Variants in AGBL1 observed in about 807,000 individuals in gnomAD.
AGBL1 encodes the protein AGBL carboxypeptidase 1.
A neutral mutation model predicts 118.9 loss-of-function variants in AGBL1; 130 were observed. The observed-to-expected ratio is 1.09, with a 90% CI of 0.95 to 1.26. AGBL1 has a LOEUF of 1.26. Among genes scored for constraint, AGBL1 ranks in the 50% most tolerant of loss-of-function variants. AGBL1 has a pLI of 0.00. For synonymous variants in AGBL1, 555 were observed against 478.9 expected, an observed-to-expected ratio of 1.16 and a Z score of -2.08; for missense variants, 1,584 against 1,298.1, an observed-to-expected ratio of 1.22 and a Z score of -3.38.
intron 22 of AGBL1, among the ~76,000 whole-genome samples, chr15:86,698,187 C>G (rs2086294826): frequency 6.6e-6 from 1 of 151,906 alleles, no homozygotes; most frequent in Non-Finnish European, 1.5e-5. Context: ...AACTAATAGC[C>G]CAAGGCAAGG....
At chr15:86,827,149 TTAGA>T (rs1168689424) in intron 22 of AGBL1, among the ~76,000 whole-genome samples, 1 of 149,614 alleles carries the variant, frequency 6.7e-6, no homozygotes, top group African/African-American at 2.5e-5. Context: ...TTGAGGGCTG[TTAGA>T]TAGATGTTCT....
chr15:86,333,249 T>A (rs1223172636), intron 17 of AGBL1, among the ~76,000 whole-genome samples: 1 of 152,092 alleles, frequency 6.6e-6, no homozygotes, highest in African/African-American at 2.4e-5. Flanking sequence ...AGCCCAAAGT[T>A]GGTTTTTTGA....
rs150406330 is a variant in AGBL1, at chr15:86,789,997, A to G, written c.3158+115561A>G. On this transcript the variant is annotated intron_variant, in intron 22 of 22. Transcript: ENST00000614907. Reference sequence around the variant, plus strand: ...ATTTCCACTACTTTTGCTTTCTCTTATCTGATTTCTTAAAACTCAGCAGTA... The same window carrying G: ...ATTTCCACTACTTTTGCTTTCTCTTGTCTGATTTCTTAAAACTCAGCAGTA... 2.4e-3 allele frequency among the ~76,000 whole-genome samples: 361 copies of G among 152,196 alleles called. 2 individuals carry two copies. Among genetic ancestry groups the G allele is most frequent in the African/African-American group, 8.4e-3 (347 of 41,536 alleles).
intron 22 of AGBL1, among the ~76,000 whole-genome samples, chr15:86,895,417 T>G (rs12324820): frequency 1.4e-4 from 21 of 150,400 alleles, no homozygotes; most frequent in African/African-American, 4.9e-4. Context: ...TTTTAATTAT[T>G]TTTGCATTTG....
intron 21 of AGBL1, among the ~76,000 whole-genome samples, chr15:86,623,012 G>A (rs575287905): frequency 3.4e-4 from 51 of 152,106 alleles, no homozygotes; most frequent in Non-Finnish European, 6.5e-4. Context: ...GGGTTCGCAC[G>A]CCTATGAGAA....
At chr15:86,988,037 T>G (rs1488555637) in exon 24 of AGBL1, 2 of 1,613,820 alleles carry the variant, frequency 1.2e-6, no homozygotes, top group African/African-American at 1.3e-5. Context: ...GCTTACCACT[T>G]TTTTGCCATT....
intron 17 of AGBL1, among the ~76,000 whole-genome samples, chr15:86,379,716 CAG>C (rs1357534267): frequency 6.6e-6 from 1 of 152,154 alleles, no homozygotes; most frequent in African/African-American, 2.4e-5. Flanking sequence ...AGAGAGTGGG[CAG>C]AGTCGAGATT....
intron 23 of AGBL1, among the ~76,000 whole-genome samples, chr15:86,942,166 A>C (rs1199371121): frequency 6.6e-6 from 1 of 152,194 alleles, no homozygotes; most frequent in Non-Finnish European, 1.5e-5. Context: ...CAAAACATTC[A>C]GTACACAGTG....
intron 1 of AGBL1, among the ~76,000 whole-genome samples, chr15:86,127,797 G>T (rs1180677638): frequency 2.0e-5 from 3 of 152,144 alleles, no homozygotes; most frequent in Non-Finnish European, 4.4e-5. Flanking sequence ...AAACCCTCCT[G>T]TGAGAGGTCC....
At chr15:86,417,828 T>G (rs2081718272) in intron 18 of AGBL1, among the ~76,000 whole-genome samples, 1 of 152,220 alleles carries the variant, frequency 6.6e-6, no homozygotes, top group Non-Finnish European at 1.5e-5. Context: ...ACCACCATTA[T>G]TATTCTGAAA....
At chr15:86,942,178 T>C (rs574871664) in intron 23 of AGBL1, among the ~76,000 whole-genome samples, 1 of 152,294 alleles carries the variant, frequency 6.6e-6, no homozygotes, top group African/African-American at 2.4e-5. Context: ...TACACAGTGG[T>C]GTAACCAGAA....
intron 22 of AGBL1, among the ~76,000 whole-genome samples, chr15:86,843,260 C>G (rs991177887): frequency 2.0e-5 from 3 of 152,074 alleles, no homozygotes; most frequent in African/African-American, 7.2e-5. Context: ...CTTTGAGGGC[C>G]CTGCTGTAGA....
At chr15:86,442,973 G>A (rs2082081880) in intron 18 of AGBL1, among the ~76,000 whole-genome samples, 2 of 152,228 alleles carry the variant, frequency 1.3e-5, no homozygotes, top group African/African-American at 2.4e-5. Flanking sequence ...GGAAGTAAAA[G>A]TGATGGGGGC....
intron 22 of AGBL1, among the ~76,000 whole-genome samples, chr15:86,776,509 G>C (rs1596471184): frequency 2.0e-5 from 3 of 150,646 alleles, no homozygotes; most frequent in African/African-American, 7.3e-5. Context: ...TTCTCTTTCT[G>C]TTCTTTTTTT....
At chr15:86,940,154 C>T (rs930277991) in intron 23 of AGBL1, among the ~76,000 whole-genome samples, 1 of 145,094 alleles carries the variant, frequency 6.9e-6, no homozygotes, top group African/African-American at 2.5e-5. Context: ...AGAGCTCCAC[C>T]TGCCTTGGCC....
chr15:87,012,807 T>C (rs553537410), intron 24 of AGBL1, among the ~76,000 whole-genome samples: 1 of 152,160 alleles, frequency 6.6e-6, no homozygotes, highest in Non-Finnish European at 1.5e-5. Flanking sequence ...TCGAAATCCA[T>C]CAGTTCTGTA....
chr15:86,338,494 A>G (rs1008818335), intron 17 of AGBL1, among the ~76,000 whole-genome samples: 1 of 147,774 alleles, frequency 6.8e-6, no homozygotes, highest in African/African-American at 2.5e-5. Flanking sequence ...TAAAGGAATT[A>G]CTCTGGCTGT....
intron 21 of AGBL1, among the ~76,000 whole-genome samples, chr15:86,558,277 T>C (rs1481112152): frequency 1.3e-5 from 2 of 152,164 alleles, no homozygotes; most frequent in Non-Finnish European, 2.9e-5. Context: ...TAACCAGGAA[T>C]TGCTTGTAAC....
intron 24 of AGBL1, among the ~76,000 whole-genome samples, chr15:87,002,007 C>T (rs1463196105): frequency 6.6e-6 from 1 of 152,026 alleles, no homozygotes; most frequent in African/African-American, 2.4e-5. Flanking sequence ...TCAATTTTGG[C>T]TTTGGTTGCC....
Sources: allele counts gnomAD v4.1 joint callset (sites outside exome capture counted in the v4.1 genomes callset), GRCh38; gene constraint gnomAD v4.1.1; transcripts MANE v1.5; gene names NCBI Gene and HGNC (gene_info 2026-07-23, HGNC 2026-07-21).